The following PKNOX2 variants were observed in gnomAD, a reference collection of about 807,000 sequenced individuals.
PKNOX2 encodes PBX/knotted 1 homeobox 2.
A neutral mutation model predicts 53.1 loss-of-function variants in PKNOX2; 14 were observed. The ratio of observed to expected loss-of-function variants is 0.26; its 90% CI spans 0.17 to 0.41. The LOEUF (loss-of-function observed/expected upper bound fraction) is 0.41. Ranked by LOEUF, PKNOX2 falls within the 10% of genes least tolerant of loss-of-function variation. The probability of loss-of-function intolerance (pLI) is 1.00; values close to 1 mark genes in which losing one functional copy is unlikely to be tolerated. For synonymous variants in PKNOX2, 257 were observed against 242.8 expected, an observed-to-expected ratio of 1.06 and a Z score of -0.54; for missense variants, 496 against 602.8, an observed-to-expected ratio of 0.82 and a Z score of 1.85.
chr11:125,327,178 C>T (rs1005118245), intron 2 of PKNOX2, among the ~76,000 whole-genome samples: 5 of 152,154 alleles, frequency 3.3e-5, no homozygotes, highest in African/African-American at 9.7e-5. Flanking sequence ...TCCAGAGGCT[C>T]GGTCTTCACT....
At chr11:125,254,615 C>A (rs376873983) in intron 2 of PKNOX2, among the ~76,000 whole-genome samples, 4 of 152,364 alleles carry the variant, frequency 2.6e-5, no homozygotes, top group Middle Eastern at 6.8e-3. Flanking sequence ...CTGTACCCTG[C>A]ACAGGTTGTG....
chr11:125,342,058 G>T lies in PKNOX2; in HGVS notation c.-22-9226G>T, dbSNP rs367972411. The stretch of plus-strand genomic sequence containing the variant: ...GCTCTGCCTGGGCCACCAGGAAGGT[G>T]CAGGAAGGGCACACGTTGGCTGGGT... On this transcript the variant is annotated intron_variant, in intron 3 of 12. Transcript: ENST00000298282. Among the ~76,000 whole-genome samples the T allele has an allele frequency of 2.1e-3, 313 of 152,340 alleles. 1 individual carries two copies. In the South Asian group the frequency reaches 0.024, roughly 12 times the overall value.
intron 2 of PKNOX2, among the ~76,000 whole-genome samples, chr11:125,298,785 C>T (rs900036372): frequency 2.6e-5 from 4 of 152,170 alleles, no homozygotes; most frequent in African/African-American, 9.7e-5. Context: ...GTGACCTTGA[C>T]GTATTCCCGG....
At chr11:125,302,999 C>G (rs951017857) in intron 2 of PKNOX2, among the ~76,000 whole-genome samples, 1 of 152,148 alleles carries the variant, frequency 6.6e-6, no homozygotes, top group Non-Finnish European at 1.5e-5. Flanking sequence ...GCCCCAGCAG[C>G]CCCAGCCCTC....
chr11:125,265,010 C>G (rs1049361016), intron 2 of PKNOX2, among the ~76,000 whole-genome samples: 1 of 152,054 alleles, frequency 6.6e-6, no homozygotes, highest in African/African-American at 2.4e-5. Flanking sequence ...GGCTTATGGC[C>G]GGGCATGGTG....
intron 1 of PKNOX2, among the ~76,000 whole-genome samples, chr11:125,209,825 G>C (rs976942919): frequency 6.6e-6 from 1 of 152,008 alleles, no homozygotes; most frequent in Admixed American, 6.6e-5. Context: ...GTCATGTCCT[G>C]TGCCACCCTT....
chr11:125,410,634 A>G lies in PKNOX2; in HGVS notation c.719-145A>G, dbSNP rs1017099195. On this transcript the variant is annotated intron_variant, in intron 8 of 12. Transcript: ENST00000298282. The stretch of plus-strand genomic sequence containing the variant: ...TCTAGACACCATCCCCCACCCACCC[A>G]TAAAGCAGAAAGCCATAGCTCGCTA... 2.0e-5 allele frequency: 14 copies of G among 685,460 alleles called. No individual in the cohort carries two copies. The African/African-American group carries it at 2.3e-4, about 11-fold the overall frequency. 42.5% of individuals were successfully genotyped at this position (685,460 alleles called of 1,614,324 possible).
At chr11:125,386,529 C>T (rs1278757234) in intron 6 of PKNOX2, among the ~76,000 whole-genome samples, 1 of 152,082 alleles carries the variant, frequency 6.6e-6, no homozygotes, top group Non-Finnish European at 1.5e-5. Flanking sequence ...AACCACAATT[C>T]TTTATTTTTG....
intron 10 of PKNOX2, among the ~76,000 whole-genome samples, chr11:125,413,969 C>A (rs142162498): frequency 1.3e-5 from 2 of 152,258 alleles, no homozygotes; most frequent in Non-Finnish European, 2.9e-5. Context: ...TTCCACTCCC[C>A]ACTTGCAACT....
intron 2 of PKNOX2, among the ~76,000 whole-genome samples, chr11:125,313,020 G>A (rs1480474427): frequency 3.9e-5 from 6 of 152,192 alleles, no homozygotes; most frequent in Admixed American, 6.5e-5. Flanking sequence ...CCCACTGGAG[G>A]CCCGTGTCAT....
At chr11:125,308,308 CG>C (rs1565493283) in intron 2 of PKNOX2, among the ~76,000 whole-genome samples, 8 of 152,184 alleles carry the variant, frequency 5.3e-5, no homozygotes, top group Non-Finnish European at 1.2e-4. Flanking sequence ...CCAGCTGCCT[CG>C]GAGCTCAGGA....
intron 10 of PKNOX2, among the ~76,000 whole-genome samples, chr11:125,417,659 T>G (rs1955958207): frequency 6.6e-6 from 1 of 152,162 alleles, no homozygotes; most frequent in Non-Finnish European, 1.5e-5. Flanking sequence ...AGACATCTCT[T>G]GGCTCCCATG....
chr11:125,312,857 G>A (rs971012249), intron 2 of PKNOX2, among the ~76,000 whole-genome samples: 12 of 152,220 alleles, frequency 7.9e-5, no homozygotes, highest in African/African-American at 2.7e-4. Context: ...ACCCTGAGTT[G>A]AGCCTTAGGA....
At chr11:125,371,650 TG>T (rs1246386957) in intron 5 of PKNOX2, among the ~76,000 whole-genome samples, 15 of 150,680 alleles carry the variant, frequency 1.0e-4, no homozygotes, top group African/African-American at 3.4e-4. Flanking sequence ...CAGGTGCGGG[TG>T]GGGGAGGAGG....
At chr11:125,230,691 G>C (rs761462379) in intron 1 of PKNOX2, among the ~76,000 whole-genome samples, 28 of 152,194 alleles carry the variant, frequency 1.8e-4, no homozygotes, top group Non-Finnish European at 4.0e-4. Context: ...GCAGTAGGAT[G>C]AATGTAGAAG....
chr11:125,264,370 T>A (rs1379246126), intron 2 of PKNOX2, among the ~76,000 whole-genome samples: 1 of 152,162 alleles, frequency 6.6e-6, no homozygotes. Flanking sequence ...CAGGCTATGG[T>A]GGGCCTGGGG....
At chr11:125,413,777 C>T (rs1955706670) in intron 10 of PKNOX2, among the ~76,000 whole-genome samples, 2 of 152,186 alleles carry the variant, frequency 1.3e-5, no homozygotes, top group South Asian at 4.1e-4. Context: ...CACCTCCCAC[C>T]CCCATGCGTT....
Position 125,388,010 on chromosome 11 carries a change from T to A in PKNOX2, c.399+2288T>A, listed in dbSNP as rs151071327. The stretch of plus-strand genomic sequence containing the variant: ...GGGAAATGGCCTTTAAAAATGCCTG[T>A]CATCTGGAAGGTTAATCTCAAGTGC... On this transcript the variant is annotated intron_variant, in intron 6 of 12. Coordinates refer to ENST00000298282, the MANE Select transcript of PKNOX2 (RefSeq NM_001382323.2). 2.0e-3 allele frequency among the ~76,000 whole-genome samples: 301 copies of A among 152,100 alleles called. 2 individuals are homozygous for A. Among genetic ancestry groups the A allele is most frequent in the African/African-American group, 6.9e-3 (285 of 41,462 alleles).
chr11:125,269,343 C>G (rs1476410027), intron 2 of PKNOX2, among the ~76,000 whole-genome samples: 1 of 152,102 alleles, frequency 6.6e-6, no homozygotes, highest in Non-Finnish European at 1.5e-5. Flanking sequence ...CTACAGGAAC[C>G]ATCTGATCTC....
Sources: gnomAD v4.1 joint callset for allele counts (sites outside exome capture counted in the v4.1 genomes callset) on GRCh38, gnomAD v4.1.1 for gene constraint, MANE v1.5 for transcripts, NCBI Gene and HGNC (gene_info 2026-07-23, HGNC 2026-07-21) for gene names.